Variants in ADD2 observed in about 807,000 individuals in gnomAD.
ADD2 encodes adducin 2.
A neutral mutation model predicts 83.0 loss-of-function variants in ADD2; 23 were observed. That is an observed-to-expected ratio of 0.28 (90% CI 0.20 to 0.39). ADD2 has a LOEUF of 0.39. ADD2 is among the 10% of genes least tolerant of loss of function. ADD2 has a pLI of 1.00. For synonymous variants in ADD2, 375 were observed against 375.4 expected (o/e 1.00, Z 0.01); for missense variants, 758 against 944.9 (o/e 0.80, Z 2.59).
intron 15 of ADD2, among the ~76,000 whole-genome samples, chr2:70,669,550 C>T (rs1669814484): frequency 1.3e-5 from 2 of 152,232 alleles, no homozygotes. Context: ...AGCTAGGATA[C>T]AAATGTTCCT....
At chr2:70,707,158 G>C (rs1333516957) in intron 2 of ADD2, among the ~76,000 whole-genome samples, 1 of 152,234 alleles carries the variant, frequency 6.6e-6, no homozygotes, top group Non-Finnish European at 1.5e-5. Context: ...CCCCTGGAAA[G>C]GAATTTATTG....
intron 2 of ADD2, among the ~76,000 whole-genome samples, chr2:70,708,654 A>G (rs911501858): frequency 6.6e-6 from 1 of 152,226 alleles, no homozygotes; most frequent in Non-Finnish European, 1.5e-5. Context: ...ACCATCTGCT[A>G]TCATACACTT....
At chr2:70,667,236 A>C (rs1436817001) in intron 15 of ADD2, among the ~76,000 whole-genome samples, 1 of 152,070 alleles carries the variant, frequency 6.6e-6, no homozygotes, top group Non-Finnish European at 1.5e-5. Flanking sequence ...CAGAAGCTGG[A>C]AAATGGGGGC....
At chr2:70,677,988 G>T in intron 11 of ADD2, 111 bp from the exon 12 acceptor site, 6 of 1,430,692 alleles carry the variant, frequency 4.2e-6, no homozygotes, top group Non-Finnish European at 5.8e-6. Context: ...AGGTCAGCAA[G>T]CCTACTCATA....
intron 9 of ADD2, among the ~76,000 whole-genome samples, chr2:70,685,735 C>T (rs533353994): frequency 3.3e-5 from 5 of 152,250 alleles, no homozygotes; most frequent in South Asian, 2.1e-4. Flanking sequence ...TTTTGAGAAG[C>T]GCTATTCCCT....
chr2:70,687,534 C>A (rs1183514767), intron 9 of ADD2, among the ~76,000 whole-genome samples: 1 of 152,090 alleles, frequency 6.6e-6, no homozygotes, highest in Non-Finnish European at 1.5e-5. Context: ...GTCTGCTTTC[C>A]GCTTCTTTTT....
chr2:70,704,370 C>G lies in ADD2; in HGVS notation c.273G>C (p.Ala91=). 6.2e-7 allele frequency: 1 copy of G among 1,611,638 alleles called. No homozygotes were observed. Among genetic ancestry groups the G allele is most frequent in the Non-Finnish European group, 8.5e-7 (1 of 1,178,680 alleles). The change falls in exon 4 of 16, where the codon GCG becomes GCC. Residue 91 remains alanine, a synonymous_variant. Coordinates refer to ENST00000264436, the MANE Select transcript of ADD2 (RefSeq NM_001617.4). The part of the protein sequence containing the change: ...SSNIWALRQI[A]DFMASTSHAV... ...CGTGGGAGGTGCTGGCCATGAAGTC[C>G]GCGATCTGTCGCAGGGCCCAGATGT...
intron 15 of ADD2, among the ~76,000 whole-genome samples, chr2:70,667,051 G>C (rs1553366252): frequency 6.6e-6 from 1 of 152,174 alleles, no homozygotes; most frequent in Non-Finnish European, 1.5e-5. Flanking sequence ...TGATAGCCTA[G>C]ACCCCTCCTC....
intron 6 of ADD2, among the ~76,000 whole-genome samples, chr2:70,694,755 G>A (rs1347739213): frequency 2.6e-5 from 4 of 152,056 alleles, no homozygotes; most frequent in Non-Finnish European, 5.9e-5. Context: ...TTCTCCTACA[G>A]CTCCTGGCGG....
At chr2:70,732,310 TC>T (rs1553379455) in intron 1 of ADD2, among the ~76,000 whole-genome samples, 1 of 152,174 alleles carries the variant, frequency 6.6e-6, no homozygotes, top group African/African-American at 2.4e-5. Flanking sequence ...TCTACACAGA[TC>T]CAGATGCATG....
intron 15 of ADD2, 24 bp from the exon 16 acceptor site, chr2:70,663,759 ACCTGT>A (rs1553365576): frequency 2.5e-6 from 4 of 1,598,108 alleles, no homozygotes; most frequent in Non-Finnish European, 3.4e-6. Flanking sequence ...AAAAGATATG[ACCTGT>A]AAGATTTCAT....
chr2:70,698,845 A>ATT (rs1553373112), intron 4 of ADD2, among the ~76,000 whole-genome samples: 1 of 152,190 alleles, frequency 6.6e-6, no homozygotes, highest in Non-Finnish European at 1.5e-5. Context: ...AAGAAAACAC[A>ATT]GAAAAAGATG....
chr2:70,664,738 A>AGT (rs34661774), intron 15 of ADD2, among the ~76,000 whole-genome samples: 9 of 148,140 alleles, frequency 6.1e-5, no homozygotes, highest in Admixed American at 2.0e-4. Context: ...TGAGTGTGCA[A>AGT]GTGTGTGTGT....
At chr2:70,690,077 G>C (rs1670950713) in intron 8 of ADD2, among the ~76,000 whole-genome samples, 1 of 149,826 alleles carries the variant, frequency 6.7e-6, no homozygotes, top group Non-Finnish European at 1.5e-5. Context: ...TTTTTATTAA[G>C]AAAAAACTCA....
intron 1 of ADD2, among the ~76,000 whole-genome samples, chr2:70,736,045 CA>C (rs1429274378): frequency 6.6e-6 from 1 of 151,988 alleles, no homozygotes; most frequent in Non-Finnish European, 1.5e-5. Flanking sequence ...ACCAGGCAGT[CA>C]TGCCATTCCC....
chr2:70,676,749 G>A lies in ADD2; in HGVS notation c.1593+47C>T, dbSNP rs186003276. 131 of 1,613,544 alleles carry A rather than the reference G, an allele frequency of 8.1e-5. 1 individual carries two copies. The highest frequency in any genetic ancestry group is 7.6e-4 in the African/African-American group (57 of 75,024). ...CCCAGCCCCAGGCACAGAAGACCCC[G>A]AAGGCAAACACGTTTCCCCGCCAGT... On this transcript the variant is annotated intron_variant, in intron 13 of 15. Transcript: ENST00000264436. This position sits in a 1 kb window ranked among gnomAD's most constrained non-coding sequence, Gnocchi z 4.8.
At position 70,676,997 on chromosome 2, in the gene ADD2, G is replaced by C. The variant is rs1036902262; in HGVS notation, c.1504-112C>G. The C allele has an allele frequency of 6.8e-7, 1 of 1,478,916 alleles. No individual in the cohort carries two copies. The highest frequency in any genetic ancestry group is 2.4e-5 in the Admixed American group (1 of 42,410). The allele number at this position is 1,478,916 out of a possible 1,614,324, so 91.6% of individuals were successfully genotyped here. ...CTAGAAAGGTCCTCTAGCGGTGTGG[G>C]AGCCCGTCACCTATCCTAATGCAAT... On this transcript the variant is annotated intron_variant, in intron 12 of 15. Transcript: ENST00000264436. This position sits in a 1 kb window ranked among gnomAD's most constrained non-coding sequence, Gnocchi z 4.8.
intron 2 of ADD2, among the ~76,000 whole-genome samples, chr2:70,707,706 G>A (rs1478679023): frequency 6.6e-6 from 1 of 152,176 alleles, no homozygotes; most frequent in South Asian, 2.1e-4. Flanking sequence ...CATGTACTTT[G>A]GCTGAACAAT....
In ADD2 at chr2:70,740,770, G is replaced by A. The variant is rs1673846543; in HGVS notation, c.-154+27116C>T. On this transcript the variant is annotated intron_variant, in intron 1 of 15. Coordinates refer to ENST00000264436, the MANE Select transcript of ADD2 (RefSeq NM_001617.4). Reference sequence around the variant, plus strand: ...GCTGGAGTACACTGGCACAATCACAGCTCACTGCAACCTCCGCCTCCCGGC... The same window carrying A: ...GCTGGAGTACACTGGCACAATCACAACTCACTGCAACCTCCGCCTCCCGGC... Among the ~76,000 whole-genome samples, 8 of 152,134 alleles carry A rather than the reference G, an allele frequency of 5.3e-5. No homozygotes were observed. The South Asian group carries it at 1.7e-3, about 32-fold the overall frequency.
Sources: allele counts gnomAD v4.1 joint callset (sites outside exome capture counted in the v4.1 genomes callset), GRCh38; gene constraint gnomAD v4.1.1; non-coding constraint Gnocchi (gnomAD v3.1); transcripts MANE v1.5; gene names NCBI Gene and HGNC (gene_info 2026-07-23, HGNC 2026-07-21).